The following TMTC2 variants were observed in gnomAD, a reference collection of about 807,000 sequenced individuals.
TMTC2 encodes protein O-mannosyl-transferase TMTC2.
A neutral mutation model predicts 82.4 loss-of-function variants in TMTC2; 43 were observed. The ratio of observed to expected loss-of-function variants is 0.52; its 90% CI spans 0.41 to 0.67. The LOEUF (loss-of-function observed/expected upper bound fraction) is 0.67, where lower values mean the gene tolerates loss of function less well. Among genes scored for constraint, TMTC2 ranks in the 30% least tolerant of loss-of-function variants. TMTC2 has a pLI of 0.00. For synonymous variants in TMTC2, 408 were observed against 381.9 expected, an observed-to-expected ratio of 1.07 and a Z score of -0.80; for missense variants, 919 against 1,012.4, an observed-to-expected ratio of 0.91 and a Z score of 1.25.
intron 9 of TMTC2, among the ~76,000 whole-genome samples, chr12:83,050,581 C>G (rs1882308910): frequency 6.6e-6 from 1 of 151,936 alleles, no homozygotes; most frequent in Non-Finnish European, 1.5e-5. Flanking sequence ...GCGTCAGAGA[C>G]AGGAGCTAAT....
intron 11 of TMTC2, among the ~76,000 whole-genome samples, chr12:83,086,772 A>C (rs1319841539): frequency 6.6e-6 from 1 of 152,190 alleles, no homozygotes; most frequent in Non-Finnish European, 1.5e-5. Flanking sequence ...ACATACCTTA[A>C]ATAAAAAACA....
chr12:83,019,178 A>G (rs1169802909), intron 8 of TMTC2, among the ~76,000 whole-genome samples: 1 of 151,998 alleles, frequency 6.6e-6, no homozygotes, highest in African/African-American at 2.4e-5. Context: ...AAACATACAC[A>G]TTAATTTTTA....
intron 1 of TMTC2, among the ~76,000 whole-genome samples, chr12:82,711,231 A>C (rs1265804581): frequency 6.6e-6 from 1 of 152,240 alleles, no homozygotes; most frequent in Non-Finnish European, 1.5e-5. Context: ...GTCAGAAGTC[A>C]CCGTCAACTT....
At chr12:82,958,871 G>A (rs1877761265) in intron 4 of TMTC2, among the ~76,000 whole-genome samples, 1 of 152,014 alleles carries the variant, frequency 6.6e-6, no homozygotes, top group South Asian at 2.1e-4. Flanking sequence ...CCTCCAAATA[G>A]GAAAAGCAGT....
chr12:83,122,977 A>G (rs1345236852), intron 11 of TMTC2, among the ~76,000 whole-genome samples: 1 of 152,244 alleles, frequency 6.6e-6, no homozygotes, highest in Non-Finnish European at 1.5e-5. Context: ...CCGGGGTAAT[A>G]TTCTTAAGTT....
chr12:82,873,252 A>AGTGTGTGTGTG (rs1872305712), intron 2 of TMTC2, among the ~76,000 whole-genome samples: 1 of 107,146 alleles, frequency 9.3e-6, no homozygotes, highest in African/African-American at 5.6e-5. Flanking sequence ...TGTGTGTGTA[A>AGTGTGTGTGTG]TTTTCCAAGT....
chr12:82,724,197 C>T (rs1874337042), intron 1 of TMTC2, among the ~76,000 whole-genome samples: 1 of 152,108 alleles, frequency 6.6e-6, no homozygotes, highest in Non-Finnish European at 1.5e-5. Flanking sequence ...AACTTTGGAG[C>T]CCTAAATGTG....
chr12:82,747,576 T>C (rs1227731203), intron 1 of TMTC2, among the ~76,000 whole-genome samples: 1 of 152,208 alleles, frequency 6.6e-6, no homozygotes, highest in Non-Finnish European at 1.5e-5. Flanking sequence ...AGCATTATTA[T>C]TTTTTGTCTA....
chr12:83,122,206 T>C (rs1377303158), intron 11 of TMTC2, among the ~76,000 whole-genome samples: 1 of 151,832 alleles, frequency 6.6e-6, no homozygotes, highest in Non-Finnish European at 1.5e-5. Flanking sequence ...TTCCAGGCAG[T>C]GGGCAGGCAG....
intron 11 of TMTC2, among the ~76,000 whole-genome samples, chr12:83,069,282 A>G (rs964818418): frequency 1.3e-5 from 2 of 152,168 alleles, no homozygotes; most frequent in Non-Finnish European, 2.9e-5. Context: ...ACCATTTTCC[A>G]TAGTAGTTGT....
At chr12:83,081,696 C>T (rs1255879515) in intron 11 of TMTC2, among the ~76,000 whole-genome samples, 1 of 152,112 alleles carries the variant, frequency 6.6e-6, no homozygotes, top group African/African-American at 2.4e-5. Context: ...AACATACATT[C>T]ACCTTTAAGA....
At chr12:83,034,953 A>G (rs954938153) in intron 9 of TMTC2, among the ~76,000 whole-genome samples, 4 of 152,226 alleles carry the variant, frequency 2.6e-5, no homozygotes, top group African/African-American at 4.8e-5. Flanking sequence ...ATGCCAACAG[A>G]TTGAATGAAT....
chr12:82,949,636 C>A (rs1223309643), intron 4 of TMTC2, among the ~76,000 whole-genome samples: 1 of 152,152 alleles, frequency 6.6e-6, no homozygotes, highest in East Asian at 1.9e-4. Context: ...AATCCTTATT[C>A]TTCATCTGCA....
intron 8 of TMTC2, among the ~76,000 whole-genome samples, chr12:82,997,394 A>ATG (rs1555204072): frequency 0.014 from 393 of 27,558 alleles, 66 homozygotes; most frequent in East Asian, 0.08. Context: ...GTATATATAT[A>ATG]TGTGTATATA....
At chr12:82,995,397 C>A (rs539189028) in intron 8 of TMTC2, among the ~76,000 whole-genome samples, 2 of 152,008 alleles carry the variant, frequency 1.3e-5, no homozygotes, top group Non-Finnish European at 2.9e-5. Flanking sequence ...TGAAGGTCTT[C>A]GTTTTTGCAG....
chr12:83,052,137 T>G (rs2137458750), intron 10 of TMTC2, among the ~76,000 whole-genome samples: 1 of 152,194 alleles, frequency 6.6e-6, no homozygotes, highest in East Asian at 1.9e-4. Flanking sequence ...CATAGATTAC[T>G]CTTACAAGGA....
chr12:82,973,329 G>A lies in TMTC2; in HGVS notation c.1948+6332G>A, dbSNP rs375797764. On this transcript the variant is annotated intron_variant, in intron 7 of 11. Coordinates refer to ENST00000321196, the MANE Select transcript of TMTC2 (RefSeq NM_152588.3). ...AAGATAAGTCTCTTTATTTCATTTC[G>A]TTTTTCCATTATCAGAAAGGATACA... Among the ~76,000 whole-genome samples, 13 of 152,094 alleles carry A rather than the reference G, an allele frequency of 8.5e-5. No homozygotes were observed. In the East Asian group the frequency reaches 1.2e-3, roughly 14 times the overall value.
chr12:83,012,799 T>A (rs1459512385), intron 8 of TMTC2, among the ~76,000 whole-genome samples: 1 of 152,168 alleles, frequency 6.6e-6, no homozygotes, highest in Non-Finnish European at 1.5e-5. Context: ...AATGAGTATG[T>A]ACAGTATTCT....
intron 1 of TMTC2, among the ~76,000 whole-genome samples, chr12:82,754,929 A>G (rs1876218777): frequency 6.6e-6 from 1 of 152,226 alleles, no homozygotes; most frequent in Admixed American, 6.5e-5. Flanking sequence ...GGTTAAATGA[A>G]CTGTAGAAAG....
Sources: gnomAD v4.1 joint callset for allele counts (sites outside exome capture counted in the v4.1 genomes callset) on GRCh38, gnomAD v4.1.1 for gene constraint, MANE v1.5 for transcripts, NCBI Gene and HGNC (gene_info 2026-07-23, HGNC 2026-07-21) for gene names.